The following COMMD10 variants were observed in gnomAD, a reference collection of about 807,000 sequenced individuals.
COMMD10 encodes COMM domain-containing protein 10.
A neutral mutation model predicts 28.9 loss-of-function variants in COMMD10; 33 were observed. The observed-to-expected ratio is 1.14, with a 90% confidence interval of 0.87 to 1.53. The LOEUF is 1.53. Among genes scored for constraint, COMMD10 ranks in the 40% most tolerant of loss-of-function variants. The pLI, the probability that COMMD10 is intolerant of heterozygous loss-of-function variation, is 0.00. For missense variants in COMMD10, 310 were observed against 233.4 expected (o/e 1.33, Z -2.14); for synonymous variants, 110 against 81.7 (o/e 1.35, Z -1.87).
At chr5:116,095,354 C>T (rs748413630) in intron 4 of COMMD10, among the ~76,000 whole-genome samples, 19 of 152,126 alleles carry the variant, frequency 1.2e-4, no homozygotes, top group Non-Finnish European at 2.5e-4. Context: ...TTTGCTCAAC[C>T]ACAGGCTAAT....
intron 5 of COMMD10, among the ~76,000 whole-genome samples, chr5:116,242,692 C>T (rs1262868639): frequency 1.3e-5 from 2 of 152,136 alleles, no homozygotes; most frequent in East Asian, 1.9e-4. Flanking sequence ...ACTTCTGCTT[C>T]AGCCAGAGCA....
intron 5 of COMMD10, among the ~76,000 whole-genome samples, chr5:116,250,583 G>T (rs1750084074): frequency 6.6e-6 from 1 of 151,816 alleles, no homozygotes; most frequent in East Asian, 1.9e-4. Context: ...TAAAGGAATA[G>T]ATCCATGCAG....
At chr5:116,230,879 A>C (rs1287080955) in intron 5 of COMMD10, among the ~76,000 whole-genome samples, 1 of 152,058 alleles carries the variant, frequency 6.6e-6, no homozygotes, top group Non-Finnish European at 1.5e-5. Context: ...CATCTTTAGT[A>C]GAAACAGCTT....
intron 5 of COMMD10, among the ~76,000 whole-genome samples, chr5:116,234,835 G>A (rs1488767805): frequency 1.3e-5 from 2 of 152,166 alleles, no homozygotes; most frequent in Non-Finnish European, 2.9e-5. Context: ...AAGTATAATG[G>A]TGGCGGAGCA....
chr5:116,130,736 A>G (rs1445710449), intron 4 of COMMD10, among the ~76,000 whole-genome samples: 1 of 152,038 alleles, frequency 6.6e-6, no homozygotes, highest in Non-Finnish European at 1.5e-5. Flanking sequence ...GTGAATGAGT[A>G]ACACAGTCTT....
chr5:116,172,545 G>A (rs1019187397), intron 5 of COMMD10, among the ~76,000 whole-genome samples: 3 of 152,068 alleles, frequency 2.0e-5, no homozygotes, highest in Non-Finnish European at 4.4e-5. Flanking sequence ...ACCCTAGGTC[G>A]GAAATATTTA....
chr5:116,168,158 C>CAAAAAAAA (rs56193014), intron 5 of COMMD10, among the ~76,000 whole-genome samples: 1 of 102,424 alleles, frequency 9.8e-6, no homozygotes, highest in Non-Finnish European at 1.9e-5. Flanking sequence ...AAATGGAAAG[C>CAAAAAAAA]AAAAAAAAAA....
intron 5 of COMMD10, among the ~76,000 whole-genome samples, chr5:116,266,472 T>C (rs1474451942): frequency 6.6e-6 from 1 of 151,868 alleles, no homozygotes; most frequent in African/African-American, 2.4e-5. Context: ...GATATTGTTT[T>C]TTACATCTAA....
intron 4 of COMMD10, among the ~76,000 whole-genome samples, chr5:116,111,389 T>C (rs541516379): frequency 7.2e-6 from 1 of 138,934 alleles, no homozygotes; most frequent in Admixed American, 7.3e-5. Context: ...TTCTACTTTT[T>C]TGATGCAGGT....
chr5:116,170,065 G>T (rs1264252304), intron 5 of COMMD10, among the ~76,000 whole-genome samples: 3 of 152,126 alleles, frequency 2.0e-5, no homozygotes, highest in East Asian at 1.9e-4. Context: ...TTTTGCAGAT[G>T]ACATGATTGT....
At chr5:116,265,974 T>A (rs1414138255) in intron 5 of COMMD10, among the ~76,000 whole-genome samples, 1 of 151,716 alleles carries the variant, frequency 6.6e-6, no homozygotes, top group Non-Finnish European at 1.5e-5. Context: ...AGTCAGTATG[T>A]GTTAGGTGCT....
At chr5:116,128,357 T>C (rs568658014) in intron 4 of COMMD10, among the ~76,000 whole-genome samples, 1 of 152,210 alleles carries the variant, frequency 6.6e-6, no homozygotes, top group East Asian at 1.9e-4. Context: ...TATTAGTGGC[T>C]TATTTTCCTG....
chr5:116,124,278 T>G (rs1751538756), intron 4 of COMMD10, among the ~76,000 whole-genome samples: 1 of 152,208 alleles, frequency 6.6e-6, no homozygotes, highest in East Asian at 1.9e-4. Flanking sequence ...GTCTTTGTTC[T>G]TATTGGATTC....
rs184691620 is a variant in COMMD10 at position 116,217,459 on chromosome 5, C to T, written c.511-74058C>T. Reference sequence around the variant, plus strand: ...TAGCATGTTGTTTAACAACTTTTCACAAGCTGACCCTGACTATCAGGAAGT... The same window carrying T: ...TAGCATGTTGTTTAACAACTTTTCATAAGCTGACCCTGACTATCAGGAAGT... On this transcript the variant is annotated intron_variant, in intron 5 of 6. Transcript: ENST00000274458. Among the ~76,000 whole-genome samples the T allele has an allele frequency of 4.8e-3, 726 of 152,314 alleles. 7 individuals carry two copies. The highest frequency in any genetic ancestry group is 0.015 in the African/African-American group (616 of 41,560).
intron 4 of COMMD10, among the ~76,000 whole-genome samples, chr5:116,131,145 C>A (rs1347733211): frequency 2.0e-5 from 3 of 151,864 alleles, no homozygotes; most frequent in East Asian, 3.9e-4. Flanking sequence ...TAACCCTTTA[C>A]AACTTAGTGA....
intron 5 of COMMD10, 83 bp from the exon 6 acceptor site, chr5:116,291,434 A>G (rs558506514): frequency 3.2e-6 from 3 of 934,398 alleles, no homozygotes; most frequent in East Asian, 2.5e-5. Flanking sequence ...ATCTTATGTC[A>G]TATTCTGAGG....
chr5:116,230,218 G>C (rs1460746054), intron 5 of COMMD10, among the ~76,000 whole-genome samples: 3 of 151,876 alleles, frequency 2.0e-5, no homozygotes, highest in African/African-American at 7.3e-5. Context: ...CTACGTTTCT[G>C]TTTTTGCTTT....
intron 5 of COMMD10, among the ~76,000 whole-genome samples, chr5:116,266,593 A>G (rs1264004808): frequency 6.6e-6 from 1 of 151,762 alleles, no homozygotes; most frequent in African/African-American, 2.4e-5. Flanking sequence ...TAACCTGTCA[A>G]TATTTAAAGT....
chr5:116,246,155 T>C (rs1242144868), intron 5 of COMMD10, among the ~76,000 whole-genome samples: 1 of 151,944 alleles, frequency 6.6e-6, no homozygotes, highest in Non-Finnish European at 1.5e-5. Flanking sequence ...ACAACATGAG[T>C]GTGCAAAAAT....
Sources: allele counts gnomAD v4.1 joint callset (sites outside exome capture counted in the v4.1 genomes callset), GRCh38; gene constraint gnomAD v4.1.1; transcripts MANE v1.5; gene names NCBI Gene and HGNC (gene_info 2026-07-23, HGNC 2026-07-21).